The following GOLGB1 variants were observed in gnomAD, a reference collection of about 807,000 sequenced individuals.
GOLGB1 encodes golgin subfamily B member 1.
GOLGB1 carries 174 observed loss-of-function variants against 336.9 expected under a neutral mutation model. The ratio of observed to expected loss-of-function variants is 0.52; its 90% CI spans 0.46 to 0.59. The LOEUF (loss-of-function observed/expected upper bound fraction) is 0.59, where lower values mean the gene tolerates loss of function less well. Among genes scored for constraint, GOLGB1 ranks in the 20% least tolerant of loss-of-function variants. GOLGB1 has a pLI of 0.00. For missense variants in GOLGB1, 3,331 were observed against 3,645.3 expected (o/e 0.91, Z 2.22); for synonymous variants, 1,208 against 1,289.2 (o/e 0.94, Z 1.35).
chr3:121,730,025 T>A lies in GOLGB1; in HGVS notation c.97-8A>T. Reference sequence around the variant, plus strand: ...AGATTCTTGGTGTAATTCCTAATATTTAGGAAAAAAGTTGCCAGTGCACCA... The same window carrying A: ...AGATTCTTGGTGTAATTCCTAATATATAGGAAAAAAGTTGCCAGTGCACCA... On this transcript the variant is annotated splice_region_variant and splice_polypyrimidine_tract_variant and intron_variant, in intron 2 of 21. Coordinates refer to ENST00000614479, the MANE Select transcript of GOLGB1 (RefSeq NM_001366282.2). The A allele has an allele frequency of 6.2e-7, 1 of 1,600,610 alleles. No individual in the cohort carries two copies. The highest frequency in any genetic ancestry group is 1.8e-5 in the Admixed American group (1 of 56,966).
intron 10 of GOLGB1, among the ~76,000 whole-genome samples, chr3:121,712,479 G>A (rs558088274): frequency 3.3e-5 from 5 of 151,970 alleles, no homozygotes; most frequent in African/African-American, 1.2e-4. Flanking sequence ...TTAAAAGTGT[G>A]TGCTAATGAA....
chr3:121,730,926 A>T lies in GOLGB1; in HGVS notation c.46T>A (p.Leu16Ile). 1 of 1,613,430 alleles carries T rather than the reference A, an allele frequency of 6.2e-7. No individual in the cohort carries two copies. Among genetic ancestry groups the T allele is most frequent in the Non-Finnish European group, 8.5e-7 (1 of 1,179,548 alleles). Reference protein sequence around the residue: ...SGLANVVLHELSGDDDTDQNM... With the variant: ...SGLANVVLHEISGDDDTDQNM... ...TGATCAGTGTCATCATCTCCTGATAATTCATGCAAAACAACATTTGCTAAT... is the reference window on the plus strand; with the variant it reads ...TGATCAGTGTCATCATCTCCTGATATTTCATGCAAAACAACATTTGCTAAT... Residue 16 changes from leucine (L) to isoleucine (I), a missense_variant, in exon 2 of 22, where the codon TTA (leucine) becomes ATA (isoleucine). By Grantham distance (5) the Leu-to-Ile change is conservative. Coordinates refer to ENST00000614479, the MANE Select transcript of GOLGB1 (RefSeq NM_001366282.2).
intron 12 of GOLGB1, 83 bp from the exon 13 acceptor site, chr3:121,699,012 A>G: frequency 3.8e-6 from 4 of 1,059,272 alleles, no homozygotes; most frequent in Non-Finnish European, 5.4e-6. Context: ...CTTGTATTTC[A>G]TCTTCTAAAA....
Position 121,691,225 on chromosome 3 carries a change from T to C in GOLGB1, c.8139A>G (p.Leu2713=). 1 of 1,614,072 alleles carries C rather than the reference T, an allele frequency of 6.2e-7. No homozygotes were observed. The highest frequency in any genetic ancestry group is 8.5e-7 in the Non-Finnish European group (1 of 1,180,022). The change falls in exon 14 of 22, where the codon CTA becomes CTG. Residue 2713 remains leucine, a synonymous_variant. Transcript: ENST00000614479. ...TETAEERVAE[L]ARDLVEMEQK... The stretch of plus-strand genomic sequence containing the variant: ...GTTCCATCTCCACCAAATCTCTTGC[T>C]AGCTCTGCCACTCTCTCTTCTGCTG...
Position 121,694,503 on chromosome 3 carries a change from C to T in GOLGB1, c.6020G>A (p.Gly2007Glu). 6.2e-7 allele frequency: 1 copy of T among 1,611,242 alleles called. No individual in the cohort carries two copies. Among genetic ancestry groups the T allele is most frequent in the Non-Finnish European group, 8.5e-7 (1 of 1,179,602 alleles). The change falls in exon 13 of 22, where the codon GGA (glycine) becomes GAA (glutamate). Residue 2007 changes from glycine (G) to glutamate (E), a missense_variant. Transcript: ENST00000614479. ...AAGTTCCTTTGCATGGCTTTTATTTCCGGGTTCTTTCTGAGCACCTTGTAT... is the reference window on the plus strand; with the variant it reads ...AAGTTCCTTTGCATGGCTTTTATTTTCGGGTTCTTTCTGAGCACCTTGTAT... ...EKIQGAQKEP[G>E]NKSHAKELQE...
At chr3:121,729,567 TG>T in intron 3 of GOLGB1, among the ~76,000 whole-genome samples, 1 of 152,006 alleles carries the variant, frequency 6.6e-6, no homozygotes, top group Non-Finnish European at 1.5e-5. Flanking sequence ...CCCAATACCA[TG>T]CCCAGCTAAT....
chr3:121,709,415 G>C (rs989891022), intron 10 of GOLGB1, among the ~76,000 whole-genome samples: 1 of 152,142 alleles, frequency 6.6e-6, no homozygotes, highest in African/African-American at 2.4e-5. Context: ...GACACCATAT[G>C]CTGTGTCATA....
In GOLGB1 at chr3:121,728,769, A is replaced by T. The variant is rs560126157; in HGVS notation, c.402+419T>A. 6.6e-5 allele frequency among the ~76,000 whole-genome samples: 10 copies of T among 152,326 alleles called. No homozygotes were observed. In the South Asian group the frequency reaches 2.1e-3, roughly 32 times the overall value. ...TTAATCCACCACTATGTGACTATAT[A>T]TGAGGACACAGAATATTCTGTGTTA... On this transcript the variant is annotated intron_variant, in intron 4 of 21. Coordinates refer to ENST00000614479, the MANE Select transcript of GOLGB1 (RefSeq NM_001366282.2).
chr3:121,729,187 C>T lies in GOLGB1; in HGVS notation c.402+1G>A. On this transcript the variant is annotated splice_donor_variant, in intron 4 of 21. Transcript: ENST00000614479. LOFTEE classifies it high-confidence loss of function. ...ATATACACTACACCCAGTCACCATA[C>T]CTTGGAAAGTTGCTCCTCTGACTGA... 1.9e-6 allele frequency: 3 copies of T among 1,602,026 alleles called. No individual in the cohort carries two copies. The highest frequency in any genetic ancestry group is 2.6e-6 in the Non-Finnish European group (3 of 1,175,076).
At chr3:121,707,158 C>T (rs538378787) in intron 10 of GOLGB1, among the ~76,000 whole-genome samples, 2 of 138,942 alleles carry the variant, frequency 1.4e-5, no homozygotes, top group East Asian at 2.4e-4. Context: ...ACCCGGGAGG[C>T]GGAGATTGCA....
At chr3:121,727,406 A>C (rs1945761453) in intron 4 of GOLGB1, among the ~76,000 whole-genome samples, 1 of 146,664 alleles carries the variant, frequency 6.8e-6, no homozygotes, top group African/African-American at 2.5e-5. Flanking sequence ...CAGCTATCTG[A>C]AAATACTGGA....
At chr3:121,726,219 G>A (rs1056142057) in intron 5 of GOLGB1, among the ~76,000 whole-genome samples, 1 of 151,320 alleles carries the variant, frequency 6.6e-6, no homozygotes, top group African/African-American at 2.4e-5. Context: ...GATCACTTGA[G>A]GTCAGGAGTT....
chr3:121,742,549 T>A (rs1011407444), intron 1 of GOLGB1, among the ~76,000 whole-genome samples: 3 of 152,162 alleles, frequency 2.0e-5, no homozygotes, highest in Non-Finnish European at 2.9e-5. Flanking sequence ...ATTCAGGACA[T>A]AGGCATGGGC....
At chr3:121,747,331 G>A (rs975090210) in intron 1 of GOLGB1, among the ~76,000 whole-genome samples, 9 of 136,022 alleles carry the variant, frequency 6.6e-5, no homozygotes, top group East Asian at 2.1e-4. Flanking sequence ...GTGTATATAC[G>A]TATATATGTA....
At position 121,694,998 on chromosome 3, in the gene GOLGB1, T is replaced by C. The variant is rs1942805512; in HGVS notation, c.5525A>G (p.Asn1842Ser). ...GAGCTGATCAATCTGCTGTAGGTAG[T>C]TATTAATTTCATCATGTGAGCTGAA... ...KDFSSHDEIN[N>S]YLQQIDQLKE... is the part of the protein sequence containing the mutation. Residue 1842 changes from asparagine to serine, a missense_variant, in exon 13 of 22, where the codon AAC (asparagine) becomes AGC (serine). Coordinates refer to ENST00000614479, the MANE Select transcript of GOLGB1 (RefSeq NM_001366282.2). The C allele has an allele frequency of 6.2e-7, 1 of 1,614,040 alleles. No individual in the cohort carries two copies. Among genetic ancestry groups the C allele is most frequent in the Middle Eastern group, 1.6e-4 (1 of 6,062 alleles).
chr3:121,694,618 A>C lies in GOLGB1; in HGVS notation c.5905T>G (p.Cys1969Gly). Residue 1969 changes from cysteine to glycine, a missense_variant, in exon 13 of 22, where the codon TGT (cysteine) becomes GGT (glycine). Transcript: ENST00000614479. ...LESEMKNLKK[C>G]VSELEEEKQQ... ...TTTTCTTCTTCCAATTCACTCACAC[A>C]CTTTTTAAGGTTCTTCATTTCAGAT... 2 of 1,611,814 alleles carry C rather than the reference A, an allele frequency of 1.2e-6. No homozygotes were observed. Among genetic ancestry groups the C allele is most frequent in the Non-Finnish European group, 1.7e-6 (2 of 1,179,934 alleles).
At position 121,677,401 on chromosome 3, in the gene GOLGB1, A is replaced by C. The variant is rs1378775521; in HGVS notation, c.8923T>G (p.Tyr2975Asp). 4 of 1,606,896 alleles carry C rather than the reference A, an allele frequency of 2.5e-6. No individual in the cohort carries two copies. The change falls in exon 16 of 22, where the codon TAC becomes GAC. Residue 2975 changes from tyrosine (Y) to aspartate (D), a missense_variant. By Grantham distance (160) the Tyr-to-Asp change is radical (BLOSUM62 -3). Coordinates refer to ENST00000614479, the MANE Select transcript of GOLGB1 (RefSeq NM_001366282.2). Reference sequence around the variant, plus strand: ...TCTTTATCTGAGATAGCCATAAGGTACTGTTCCTTCATTCTCCTCTCATGT... The same window carrying C: ...TCTTTATCTGAGATAGCCATAAGGTCCTGTTCCTTCATTCTCCTCTCATGT... ...EIHERRMKEQ[Y>D]LMAISDKDQQ... is the part of the protein sequence containing the mutation.
intron 5 of GOLGB1, among the ~76,000 whole-genome samples, 175 bp downstream of exon 5, chr3:121,726,738 C>G (rs1386551031): frequency 2.0e-5 from 3 of 151,848 alleles, no homozygotes; most frequent in Admixed American, 2.0e-4. Context: ...ATGACAAACA[C>G]CAATGCATAT....
chr3:121,715,405 T>TG (rs1319625841), intron 9 of GOLGB1, among the ~76,000 whole-genome samples: 1 of 145,444 alleles, frequency 6.9e-6, no homozygotes, highest in African/African-American at 2.6e-5. Flanking sequence ...TTAGTAGAGA[T>TG]GGAGTTTCAC....
Sources: gnomAD v4.1 joint callset for allele counts (sites outside exome capture counted in the v4.1 genomes callset) on GRCh38, gnomAD v4.1.1 for gene constraint, MANE v1.5 for transcripts, NCBI Gene and HGNC (gene_info 2026-07-23, HGNC 2026-07-21) for gene names.